PTPRT: variants seen among roughly 807,000 people sequenced by gnomAD.
PTPRT encodes receptor-type tyrosine-protein phosphatase T.
In PTPRT, 56 loss-of-function variants were observed where a neutral mutation model predicts 176.8. The observed-to-expected ratio is 0.32, with a 90% CI of 0.26 to 0.40. The LOEUF (loss-of-function observed/expected upper bound fraction) is 0.40, where lower values mean the gene tolerates loss of function less well. Among genes scored for constraint, PTPRT ranks in the 10% least tolerant of loss-of-function variants. PTPRT has a pLI of 1.00. For synonymous variants in PTPRT, 783 were observed against 739.0 expected (o/e 1.06, Z -0.96); for missense variants, 1,540 against 1,908.2 (o/e 0.81, Z 3.60).
chr20:42,271,988 C>G (rs926703473), intron 13 of PTPRT, among the ~76,000 whole-genome samples: 17 of 152,156 alleles, frequency 1.1e-4, no homozygotes, highest in Non-Finnish European at 2.2e-4. Context: ...TAATACTTCT[C>G]CCTTAAAAAT....
chr20:42,363,714 A>G (rs1279384618), intron 9 of PTPRT, among the ~76,000 whole-genome samples: 1 of 152,096 alleles, frequency 6.6e-6, no homozygotes, highest in Non-Finnish European at 1.5e-5. Flanking sequence ...ATCATCCCAC[A>G]AGTTTATGAG....
At chr20:42,867,971 T>C (rs2078778773) in intron 2 of PTPRT, among the ~76,000 whole-genome samples, 1 of 152,180 alleles carries the variant, frequency 6.6e-6, no homozygotes, top group Admixed American at 6.5e-5. Flanking sequence ...CATGAGCCAC[T>C]GCACCCAGCC....
At chr20:42,811,528 G>A (rs1207527901) in intron 2 of PTPRT, among the ~76,000 whole-genome samples, 1 of 152,168 alleles carries the variant, frequency 6.6e-6, no homozygotes, top group Non-Finnish European at 1.5e-5. Flanking sequence ...AACACAGATT[G>A]TGAAGAAAGC....
chr20:42,943,635 C>T (rs952452496), intron 1 of PTPRT, among the ~76,000 whole-genome samples: 2 of 152,124 alleles, frequency 1.3e-5, no homozygotes, highest in African/African-American at 4.8e-5. Context: ...TCCTACAACC[C>T]CTTCTTCCTC....
chr20:42,915,224 C>A (rs957378407), intron 1 of PTPRT, among the ~76,000 whole-genome samples: 1 of 152,224 alleles, frequency 6.6e-6, no homozygotes, highest in Non-Finnish European at 1.5e-5. Context: ...ATGCACAATG[C>A]GGTTCGAAAT....
At chr20:42,891,842 C>A (rs1367307616) in intron 1 of PTPRT, among the ~76,000 whole-genome samples, 1 of 152,180 alleles carries the variant, frequency 6.6e-6, no homozygotes, top group Non-Finnish European at 1.5e-5. Context: ...ATGTAGGTGA[C>A]TCAAACACCA....
Position 43,000,801 on chromosome 20 carries a change from C to T in PTPRT, c.89-114869G>A, listed in dbSNP as rs184856864. On this transcript the variant is annotated intron_variant, in intron 1 of 30. Coordinates refer to ENST00000373187, the MANE Select transcript of PTPRT (RefSeq NM_007050.6). Reference sequence around the variant, plus strand: ...AAATAGAAAGTAGTCAGTGATACGACAGAAGAAAATATTCATAATCTTAAA... The same window carrying T: ...AAATAGAAAGTAGTCAGTGATACGATAGAAGAAAATATTCATAATCTTAAA... 5.3e-5 allele frequency among the ~76,000 whole-genome samples: 8 copies of T among 151,882 alleles called. No individual in the cohort carries two copies. In the East Asian group the frequency reaches 1.4e-3, roughly 26 times the overall value.
At chr20:43,133,971 T>C (rs1235107621) in intron 1 of PTPRT, among the ~76,000 whole-genome samples, 2 of 151,976 alleles carry the variant, frequency 1.3e-5, no homozygotes, top group African/African-American at 4.8e-5. Context: ...ACTCCTGCAT[T>C]AGAAAAAAGA....
At chr20:42,242,563 A>G (rs1348786434) in intron 14 of PTPRT, among the ~76,000 whole-genome samples, 2 of 152,242 alleles carry the variant, frequency 1.3e-5, no homozygotes, top group Non-Finnish European at 2.9e-5. Flanking sequence ...CTACTGAATT[A>G]GTCCTTAAAC....
intron 2 of PTPRT, among the ~76,000 whole-genome samples, chr20:42,794,227 T>C (rs1373372616): frequency 6.6e-6 from 1 of 152,170 alleles, no homozygotes; most frequent in Non-Finnish European, 1.5e-5. Flanking sequence ...GGTAGGGACA[T>C]GCAACTGAGT....
chr20:42,132,476 A>G (rs1214036004), intron 18 of PTPRT, among the ~76,000 whole-genome samples: 2 of 152,234 alleles, frequency 1.3e-5, no homozygotes, highest in East Asian at 3.8e-4. Context: ...AAAACTCAGT[A>G]AGAAAGCAAA....
intron 1 of PTPRT, among the ~76,000 whole-genome samples, chr20:43,046,500 C>CG (rs1452688096): frequency 6.7e-6 from 1 of 150,102 alleles, no homozygotes; most frequent in Non-Finnish European, 1.5e-5. Flanking sequence ...ACCCGGGAGG[C>CG]GGAGCTTGCA....
intron 1 of PTPRT, among the ~76,000 whole-genome samples, chr20:43,151,724 A>G (rs1236814831): frequency 6.6e-6 from 1 of 152,060 alleles, no homozygotes; most frequent in African/African-American, 2.4e-5. Context: ...TTAGCCAGGC[A>G]TGGTGGCACA....
At chr20:42,956,617 G>A (rs1981660332) in intron 1 of PTPRT, among the ~76,000 whole-genome samples, 1 of 151,920 alleles carries the variant, frequency 6.6e-6, no homozygotes, top group South Asian at 2.1e-4. Flanking sequence ...CCCAGCCTCA[G>A]GTATTTCTTT....
chr20:43,064,517 A>T (rs1290500026), intron 1 of PTPRT, among the ~76,000 whole-genome samples: 3 of 152,222 alleles, frequency 2.0e-5, no homozygotes, highest in Non-Finnish European at 4.4e-5. Flanking sequence ...AAACAACAAC[A>T]AAAGAACGTT....
intron 7 of PTPRT, among the ~76,000 whole-genome samples, chr20:42,582,529 G>A (rs1460849637): frequency 6.6e-6 from 1 of 152,112 alleles, no homozygotes. Context: ...TTAGCCTAGG[G>A]GCCACTATCC....
chr20:42,202,405 T>C (rs1192799537), intron 15 of PTPRT, among the ~76,000 whole-genome samples: 1 of 152,196 alleles, frequency 6.6e-6, no homozygotes, highest in African/African-American at 2.4e-5. Context: ...ATGCATCTTT[T>C]CATTATAATG....
At chr20:42,855,429 C>CTTTTT (rs555034551) in intron 2 of PTPRT, among the ~76,000 whole-genome samples, 7 of 115,696 alleles carry the variant, frequency 6.1e-5, no homozygotes, top group East Asian at 2.4e-4. Flanking sequence ...TATGTTCATG[C>CTTTTT]TTTTTTTTTT....
At chr20:43,017,556 C>T (rs1447933669) in intron 1 of PTPRT, among the ~76,000 whole-genome samples, 1 of 152,184 alleles carries the variant, frequency 6.6e-6, no homozygotes, top group African/African-American at 2.4e-5. Flanking sequence ...TCTCTCTCTC[C>T]CTTGTCACCC....
Sources: allele counts gnomAD v4.1 joint callset (sites outside exome capture counted in the v4.1 genomes callset), GRCh38; gene constraint gnomAD v4.1.1; transcripts MANE v1.5; gene names NCBI Gene and HGNC (gene_info 2026-07-23, HGNC 2026-07-21).